Variants in PAX2 observed in about 807,000 individuals in gnomAD.
The protein encoded by PAX2 is paired box 2.
In PAX2, 9 loss-of-function variants were observed where a neutral mutation model predicts 41.7. The ratio of observed to expected loss-of-function variants is 0.22; its 90% confidence interval spans 0.13 to 0.38. The LOEUF (loss-of-function observed/expected upper bound fraction) is 0.38, where lower values mean the gene tolerates loss of function less well. Among genes scored for constraint, PAX2 ranks in the 10% least tolerant of loss-of-function variants. The pLI, the probability that PAX2 is intolerant of heterozygous loss-of-function variation, is 1.00. For synonymous variants in PAX2, 221 were observed against 212.7 expected (o/e 1.04, Z -0.34); for missense variants, 418 against 531.6 (o/e 0.79, Z 2.10).
intron 1 of PAX2, chr10:100,749,330 G>A: frequency 4.9e-6 from 5 of 1,010,448 alleles, no homozygotes; most frequent in African/African-American, 3.4e-5. Context: ...ACAGCTCCCG[G>A]GTTGCCTGCG....
chr10:100,735,724 G>A, exon 1 of PAX2: 1 of 1,048,204 alleles, frequency 9.5e-7, no homozygotes, highest in African/African-American at 1.7e-5. Context: ...AGAGCGCGCG[G>A]GTCCGGCAGG....
intron 5 of PAX2, among the ~76,000 whole-genome samples, chr10:100,803,942 C>T (rs1029384576): frequency 1.2e-4 from 18 of 151,992 alleles, no homozygotes; most frequent in Non-Finnish European, 2.1e-4. Flanking sequence ...GCAATAACCC[C>T]TAAAACAGTA....
intron 3 of PAX2, among the ~76,000 whole-genome samples, chr10:100,773,758 A>T (rs1361997159): frequency 6.6e-6 from 1 of 152,164 alleles, no homozygotes; most frequent in Non-Finnish European, 1.5e-5. Context: ...CCCCAGGTGT[A>T]TGATTCCAGC....
chr10:100,817,544 A>G (rs1479272285), intron 7 of PAX2, among the ~76,000 whole-genome samples: 2 of 152,218 alleles, frequency 1.3e-5, no homozygotes, highest in African/African-American at 2.4e-5. Context: ...GTTGGCTGTC[A>G]AGGTGTAGAC....
chr10:100,819,528 C>T (rs997648611), intron 7 of PAX2, among the ~76,000 whole-genome samples: 3 of 152,142 alleles, frequency 2.0e-5, no homozygotes, highest in Admixed American at 6.5e-5. Context: ...CGAGATCGTG[C>T]CACTGCTCTC....
chr10:100,781,300 C>A lies in PAX2; in HGVS notation c.551C>A (p.Ser184Tyr). 6.2e-7 allele frequency: 1 copy of A among 1,613,160 alleles called. No individual in the cohort carries two copies. Among genetic ancestry groups the A allele is most frequent in the Non-Finnish European group, 8.5e-7 (1 of 1,179,112 alleles). ...VSSASNDPVG[S>Y]YSINGILGIP... ...AGCGCCTCCAATGACCCAGTGGGAT[C>A]CTACTCCATCAATGGGATCCTGGGG... The change falls in exon 5 of 10, where the codon TCC (serine) becomes TAC (tyrosine). Residue 184 changes from serine to tyrosine, a missense_variant. Ser to Tyr is a moderately radical substitution (Grantham distance 144). Transcript: ENST00000355243.
intron 5 of PAX2, among the ~76,000 whole-genome samples, chr10:100,806,109 A>T (rs1300298426): frequency 6.6e-6 from 1 of 152,162 alleles, no homozygotes; most frequent in African/African-American, 2.4e-5. Context: ...GGGGTGGTTC[A>T]GGGAGACATG....
At chr10:100,788,097 CTCTT>C (rs1185906869) in intron 5 of PAX2, among the ~76,000 whole-genome samples, 2 of 152,154 alleles carry the variant, frequency 1.3e-5, no homozygotes, top group Non-Finnish European at 2.9e-5. Flanking sequence ...CTCTCCCTCT[CTCTT>C]TAACACTCTC....
In PAX2 at chr10:100,806,567, G is replaced by A; in HGVS notation, c.754G>A (p.Asp252Asn). 1 of 1,614,180 alleles carries A rather than the reference G, an allele frequency of 6.2e-7. No homozygotes were observed. The highest frequency in any genetic ancestry group is 8.5e-7 in the Non-Finnish European group (1 of 1,180,042). The change falls in exon 6 of 10, where the codon GAC (aspartate) becomes AAC (asparagine). Residue 252 changes from aspartate to asparagine, a missense_variant. This residue lies in a region of PAX2 where 310 missense variants were observed against 325.2 expected (regional missense o/e 0.95). Transcript: ENST00000355243. The stretch of plus-strand genomic sequence containing the variant: ...GGTCTTTGAGCGTCCTTCCTACCCT[G>A]ACGTCTTCCAGGCATCAGAGCACAT... The part of the protein sequence containing the change: ...DRVFERPSYP[D>N]VFQASEHIKS...
At chr10:100,785,729 C>T (rs1388549234) in intron 5 of PAX2, among the ~76,000 whole-genome samples, 1 of 152,134 alleles carries the variant, frequency 6.6e-6, no homozygotes, top group East Asian at 1.9e-4. Context: ...CTTGAGGCAG[C>T]AGAAGGTTGC....
rs749742568 is a variant in PAX2 at position 100,750,643 on chromosome 10, T to C, written c.213-51T>C. The C allele has an allele frequency of 3.2e-5, 49 of 1,528,962 alleles. No homozygotes were observed. In the African/African-American group the frequency reaches 6.3e-4, roughly 20 times the overall value. 94.7% of individuals were successfully genotyped at this position (1,528,962 alleles called of 1,614,324 possible). On this transcript the variant is annotated intron_variant, in intron 2 of 9. Coordinates refer to ENST00000355243, the MANE Select transcript of PAX2 (RefSeq NM_000278.5). The surrounding 1 kb of genome is among the most constrained non-coding windows in gnomAD (Gnocchi z 4.1). ...GCAGCTCTGGAACCTGCAGCCCCCC[T>C]GCCCCGCCACAGTCCGCTTCTGGCT... is the stretch of plus-strand genomic sequence containing the variant.
chr10:100,825,469 A>G (rs1026427677), intron 8 of PAX2, among the ~76,000 whole-genome samples: 1 of 152,242 alleles, frequency 6.6e-6, no homozygotes, highest in Admixed American at 6.5e-5. Flanking sequence ...CTGCAGCTGG[A>G]GGTTGTACTA....
intron 3 of PAX2, among the ~76,000 whole-genome samples, chr10:100,769,659 TAAAATAAAATA>T (rs1846143918): frequency 2.7e-5 from 4 of 149,210 alleles, no homozygotes; most frequent in African/African-American, 7.4e-5. Flanking sequence ...TAAAATAAAA[TAAAATAAAATA>T]AAAAAATAAA....
Position 100,748,076 on chromosome 10 carries a change from C to T in PAX2, c.44-1670C>T. 8 of 985,028 alleles carry T rather than the reference C, an allele frequency of 8.1e-6. No homozygotes were observed. The highest frequency in any genetic ancestry group is 9.6e-6 in the Non-Finnish European group (8 of 829,866). 61.0% of individuals were successfully genotyped at this position (985,028 alleles called of 1,614,324 possible). A position where few individuals can be genotyped will look rare whatever the true frequency, so the allele number is the denominator to read the frequency against. On this transcript the variant is annotated intron_variant, in intron 1 of 9. Transcript: ENST00000355243. The surrounding 1 kb of genome is among the most constrained non-coding windows in gnomAD (Gnocchi z 5.0). ...TGGCGGCCGTGGCGCATTCCAGGCC[C>T]GACTCAGCGCCGACTCGCTGCAGTC...
At position 100,781,255 on chromosome 10, in the gene PAX2, C is replaced by T. The variant is rs758091898; in HGVS notation, c.506C>T (p.Thr169Met). 8.7e-6 allele frequency: 14 copies of T among 1,613,868 alleles called. No homozygotes were observed. The highest frequency in any genetic ancestry group is 6.7e-5 in the East Asian group (3 of 44,890). Residue 169 changes from threonine (T) to methionine (M), a missense_variant, in exon 5 of 10, where the codon ACG (threonine) becomes ATG (methionine). Around this residue, in one of 2 missense-constraint regions of PAX2, gnomAD observed 310 missense variants for 325.2 expected, o/e 0.95. Transcript: ENST00000355243. ...CCTTCCTCTCATCCAGTTCCCAGCACGGCCTCCCCTCCTGTTTCCAGCGCC... is the reference window on the plus strand; with the variant it reads ...CCTTCCTCTCATCCAGTTCCCAGCATGGCCTCCCCTCCTGTTTCCAGCGCC... ...TAPGHTIVPS[T>M]ASPPVSSASN...
chr10:100,811,879 C>T (rs930866370), intron 7 of PAX2, among the ~76,000 whole-genome samples: 6 of 152,208 alleles, frequency 3.9e-5, no homozygotes, highest in African/African-American at 9.6e-5. Context: ...CTGACAGCTG[C>T]GGCTGCAAAC....
At chr10:100,787,223 C>T (rs1846903979) in intron 5 of PAX2, among the ~76,000 whole-genome samples, 1 of 152,042 alleles carries the variant, frequency 6.6e-6, no homozygotes, top group South Asian at 2.1e-4. Flanking sequence ...GGAGCTGAGG[C>T]CCCGGTGGCC....
chr10:100,741,573 G>T (rs1197213950), upstream of PAX2, among the ~76,000 whole-genome samples: 1 of 152,182 alleles, frequency 6.6e-6, no homozygotes, highest in Non-Finnish European at 1.5e-5. Flanking sequence ...CCTGGGATCT[G>T]ACAGCCGAGG....
intron 1 of PAX2, chr10:100,747,781 G>A: frequency 3.0e-6 from 3 of 985,062 alleles, no homozygotes; most frequent in Non-Finnish European, 3.6e-6. Flanking sequence ...CGAGCGGGCC[G>A]GAAAGCCTCG....
Sources: allele counts gnomAD v4.1 joint callset (sites outside exome capture counted in the v4.1 genomes callset), GRCh38; gene constraint gnomAD v4.1.1; regional missense constraint gnomAD v4.1.1; non-coding constraint Gnocchi (gnomAD v3.1); transcripts MANE v1.5; gene names NCBI Gene and HGNC (gene_info 2026-07-23, HGNC 2026-07-21).